IQCM: variants seen among roughly 807,000 people sequenced by gnomAD.
IQCM encodes the protein IQ domain-containing protein M.
A neutral mutation model predicts 57.6 loss-of-function variants in IQCM; 45 were observed. The observed-to-expected ratio is 0.78, with a 90% CI of 0.62 to 1.00. The LOEUF is 1.00. Among genes scored for constraint, IQCM ranks in the 50% least tolerant of loss-of-function variants. The probability of loss-of-function intolerance (pLI) is 0.00; values close to 1 mark genes in which losing one functional copy is unlikely to be tolerated. For missense variants in IQCM, 468 were observed against 511.6 expected (o/e 0.91, Z 0.82); for synonymous variants, 148 against 158.9 (o/e 0.93, Z 0.51).
intron 12 of IQCM, among the ~76,000 whole-genome samples, chr4:149,442,967 G>C (rs868720058): frequency 0.026 from 3,811 of 149,038 alleles, 66 homozygotes; most frequent in Non-Finnish European, 0.038. Context: ...GAGAGAGAGA[G>C]AGAGAGAGAG....
chr4:149,413,674 TA>T (rs1357252596), intron 13 of IQCM, among the ~76,000 whole-genome samples: 2 of 152,230 alleles, frequency 1.3e-5, no homozygotes, highest in Admixed American at 6.5e-5. Context: ...GAGTGTTCAT[TA>T]CATGTCTCCA....
intron 2 of IQCM, among the ~76,000 whole-genome samples, chr4:149,776,573 A>T (rs1457486779): frequency 6.6e-6 from 1 of 152,210 alleles, no homozygotes; most frequent in Non-Finnish European, 1.5e-5. Flanking sequence ...ATATAGGGAG[A>T]AAACATTTAC....
intron 12 of IQCM, among the ~76,000 whole-genome samples, chr4:149,442,956 AG>A (rs1736116741): frequency 1.1e-4 from 1 of 8,904 alleles, no homozygotes; most frequent in Admixed American, 1.4e-3. Flanking sequence ...ACACACACAG[AG>A]AGAGAGAGAG....
At chr4:149,814,760 C>G (rs936635877) in intron 2 of IQCM, among the ~76,000 whole-genome samples, 2 of 151,684 alleles carry the variant, frequency 1.3e-5, no homozygotes, top group African/African-American at 4.8e-5. Context: ...AGCATTTGAC[C>G]CAATGGGCAG....
At chr4:149,370,538 C>T (rs932190787) in intron 13 of IQCM, among the ~76,000 whole-genome samples, 7 of 151,324 alleles carry the variant, frequency 4.6e-5, no homozygotes, top group Middle Eastern at 3.4e-3. Context: ...CACACATACA[C>T]ACTATACACA....
chr4:149,555,328 A>C (rs1579473392), intron 10 of IQCM, among the ~76,000 whole-genome samples: 1 of 152,318 alleles, frequency 6.6e-6, no homozygotes, highest in South Asian at 2.1e-4. Flanking sequence ...TGAAGCCAAA[A>C]GTCAGGTGCT....
intron 10 of IQCM, among the ~76,000 whole-genome samples, chr4:149,561,238 A>C (rs566264626): frequency 6.7e-6 from 1 of 149,974 alleles, no homozygotes; most frequent in Admixed American, 6.7e-5. Flanking sequence ...TTTCCTTATC[A>C]ATTAAATCAC....
intron 12 of IQCM, among the ~76,000 whole-genome samples, chr4:149,512,184 G>A (rs1041979556): frequency 6.6e-6 from 1 of 152,184 alleles, no homozygotes; most frequent in Non-Finnish European, 1.5e-5. Flanking sequence ...TCTACTTCAT[G>A]GGAAATATAA....
chr4:149,756,636 G>A (rs1580214607), intron 2 of IQCM, among the ~76,000 whole-genome samples: 2 of 152,186 alleles, frequency 1.3e-5, no homozygotes, highest in East Asian at 3.9e-4. Flanking sequence ...ATATGTTTAT[G>A]TTTATAAATT....
In IQCM at chr4:149,575,330, A is replaced by T. The variant is rs537132919; in HGVS notation, c.750-11440T>A. Reference sequence around the variant, plus strand: ...GAGGGATGTAATACATGCTCGTGAAATTCATCTTTTGTCTCATTATTATTT... The same window carrying T: ...GAGGGATGTAATACATGCTCGTGAATTTCATCTTTTGTCTCATTATTATTT... On this transcript the variant is annotated intron_variant, in intron 9 of 13. Transcript: ENST00000636793. 4.6e-5 allele frequency among the ~76,000 whole-genome samples: 7 copies of T among 151,926 alleles called. No homozygotes were observed. The East Asian group carries it at 1.4e-3, about 30-fold the overall frequency.
intron 12 of IQCM, among the ~76,000 whole-genome samples, chr4:149,524,161 A>C (rs1420429712): frequency 2.0e-5 from 3 of 152,176 alleles, no homozygotes; most frequent in African/African-American, 7.2e-5. Context: ...CAGACAGAAA[A>C]GAGCAGATGC....
chr4:149,521,591 T>C (rs1020960543), intron 12 of IQCM, among the ~76,000 whole-genome samples: 9 of 152,238 alleles, frequency 5.9e-5, no homozygotes, highest in Admixed American at 3.9e-4. Context: ...TTGAAATGAA[T>C]TGACCCTTTA....
chr4:149,793,919 A>C (rs1285854157), intron 2 of IQCM, among the ~76,000 whole-genome samples: 1 of 152,366 alleles, frequency 6.6e-6, no homozygotes, highest in East Asian at 1.9e-4. Context: ...AATCACACTA[A>C]AATGATTCTA....
In IQCM at chr4:149,536,945, C is replaced by G. The variant is rs1364007550; in HGVS notation, c.1228+11510G>C. 2.0e-5 allele frequency among the ~76,000 whole-genome samples: 3 copies of G among 151,892 alleles called. No homozygotes were observed. In the East Asian group the frequency reaches 5.8e-4, roughly 29 times the overall value. ...CACAAAAGTTGTCGACACCACTGCCCAAAACCTTTACATAAGTAAATCCTG... is the reference window on the plus strand; with the variant it reads ...CACAAAAGTTGTCGACACCACTGCCGAAAACCTTTACATAAGTAAATCCTG... On this transcript the variant is annotated intron_variant, in intron 12 of 13. Coordinates refer to ENST00000636793, the MANE Select transcript of IQCM (RefSeq NM_001363507.2).
intron 7 of IQCM, among the ~76,000 whole-genome samples, chr4:149,634,800 G>T (rs1757588025): frequency 6.6e-6 from 1 of 152,064 alleles, no homozygotes; most frequent in African/African-American, 2.4e-5. Context: ...GATGTATTTT[G>T]ATTGTGCTTT....
intron 7 of IQCM, among the ~76,000 whole-genome samples, chr4:149,627,417 T>C (rs1026878429): frequency 4.6e-5 from 7 of 152,168 alleles, no homozygotes; most frequent in Admixed American, 3.9e-4. Flanking sequence ...AATTTCTCCT[T>C]ATCTGGGGCA....
intron 12 of IQCM, among the ~76,000 whole-genome samples, chr4:149,526,892 GA>G: frequency 6.6e-6 from 1 of 151,666 alleles, no homozygotes; most frequent in Non-Finnish European, 1.5e-5. Flanking sequence ...CCATTTTAAG[GA>G]AATAATTTAT....
chr4:149,520,872 C>G (rs913878899), intron 12 of IQCM, among the ~76,000 whole-genome samples: 3 of 152,092 alleles, frequency 2.0e-5, no homozygotes, highest in Non-Finnish European at 4.4e-5. Flanking sequence ...GGACACTGTT[C>G]CTATCTCATA....
intron 5 of IQCM, among the ~76,000 whole-genome samples, chr4:149,715,450 A>G (rs558798865): frequency 1.7e-3 from 262 of 152,294 alleles, no homozygotes; most frequent in African/African-American, 5.2e-3. Flanking sequence ...TGGAGATGCC[A>G]GGAATCACAG....
Sources: allele counts gnomAD v4.1 joint callset (sites outside exome capture counted in the v4.1 genomes callset), GRCh38; gene constraint gnomAD v4.1.1; transcripts MANE v1.5; gene names NCBI Gene and HGNC (gene_info 2026-07-23, HGNC 2026-07-21).